Variants in DPP10 observed in about 807,000 individuals in gnomAD.
The protein encoded by DPP10 is inactive dipeptidyl peptidase 10.
Under a neutral mutation model 120.9 loss-of-function variants are expected in DPP10, and 33 were observed. The observed-to-expected ratio is 0.27, with a 90% CI of 0.21 to 0.37. The LOEUF (loss-of-function observed/expected upper bound fraction) is 0.37, where lower values mean the gene tolerates loss of function less well. Ranked by LOEUF, DPP10 falls within the 10% of genes least tolerant of loss-of-function variation. The probability of loss-of-function intolerance (pLI) is 1.00; values close to 1 mark genes in which losing one functional copy is unlikely to be tolerated. For missense variants in DPP10, 816 were observed against 942.8 expected (o/e 0.87, Z 1.76); for synonymous variants, 337 against 326.1 (o/e 1.03, Z -0.36).
chr2:115,520,911 C>T lies in DPP10; in HGVS notation c.367-4987C>T, dbSNP rs1364189745. ...TGGGGCCTCTTAATAGGGACATTACCGTGGCAATAAAAGATGTAAATTGCA... is the reference window on the plus strand; with the variant it reads ...TGGGGCCTCTTAATAGGGACATTACTGTGGCAATAAAAGATGTAAATTGCA... On this transcript the variant is annotated intron_variant, in intron 4 of 25. Transcript: ENST00000410059. Among the ~76,000 whole-genome samples, 11 of 151,946 alleles carry T rather than the reference C, an allele frequency of 7.2e-5. No individual in the cohort carries two copies. In the South Asian group the frequency reaches 1.2e-3, roughly 17 times the overall value.
chr2:114,974,044 T>G (rs1699581891), intron 1 of DPP10, among the ~76,000 whole-genome samples: 1 of 152,204 alleles, frequency 6.6e-6, no homozygotes, highest in Admixed American at 6.5e-5. Flanking sequence ...TTAAAAAATT[T>G]AGTTTATAAA....
intron 1 of DPP10, among the ~76,000 whole-genome samples, chr2:115,017,096 T>A (rs1208027367): frequency 1.3e-5 from 2 of 149,538 alleles, no homozygotes; most frequent in East Asian, 4.1e-4. Flanking sequence ...TTAGGAGATA[T>A]ACCTAATGCT....
At chr2:114,779,832 A>T (rs1682126216) in intron 1 of DPP10, among the ~76,000 whole-genome samples, 1 of 152,180 alleles carries the variant, frequency 6.6e-6, no homozygotes, top group African/African-American at 2.4e-5. Flanking sequence ...TCTCATGAGG[A>T]TAACATAAGA....
At chr2:114,872,881 A>G (rs1306283852) in intron 1 of DPP10, among the ~76,000 whole-genome samples, 3 of 152,168 alleles carry the variant, frequency 2.0e-5, no homozygotes, top group African/African-American at 7.2e-5. Flanking sequence ...TCCTACATAA[A>G]TTACACGTTC....
At chr2:115,817,054 T>C (rs953791177) in intron 21 of DPP10, among the ~76,000 whole-genome samples, 22 of 151,342 alleles carry the variant, frequency 1.5e-4, no homozygotes, top group Non-Finnish European at 2.7e-4. Flanking sequence ...AGAGGCCATC[T>C]TGGCTAACAC....
intron 3 of DPP10, among the ~76,000 whole-genome samples, chr2:115,474,896 A>G (rs2074975193): frequency 1.3e-5 from 2 of 152,222 alleles, no homozygotes; most frequent in Non-Finnish European, 2.9e-5. Context: ...TCAGAGGCCT[A>G]GGAGGACTGA....
chr2:115,074,303 C>T (rs968297273), intron 1 of DPP10, among the ~76,000 whole-genome samples: 1 of 152,128 alleles, frequency 6.6e-6, no homozygotes, highest in Non-Finnish European at 1.5e-5. Flanking sequence ...CTACCAAAAA[C>T]GGCAGGGAAA....
intron 1 of DPP10, among the ~76,000 whole-genome samples, chr2:114,472,529 C>T (rs898125641): frequency 2.0e-5 from 3 of 152,070 alleles, no homozygotes; most frequent in Non-Finnish European, 2.9e-5. Context: ...GGGGTTAGTG[C>T]GAGAAAGACT....
At chr2:114,773,038 A>C (rs529401480) in intron 1 of DPP10, among the ~76,000 whole-genome samples, 1 of 152,218 alleles carries the variant, frequency 6.6e-6, no homozygotes, top group Non-Finnish European at 1.5e-5. Context: ...TCTTATCTAT[A>C]AAATGAAAAT....
chr2:114,587,533 G>T (rs570500696), intron 1 of DPP10, among the ~76,000 whole-genome samples: 1 of 151,918 alleles, frequency 6.6e-6, no homozygotes, highest in Non-Finnish European at 1.5e-5. Flanking sequence ...TGCAGACAAA[G>T]CAACTGAGAT....
chr2:114,882,469 G>A (rs1466939428), intron 1 of DPP10, among the ~76,000 whole-genome samples: 3 of 151,690 alleles, frequency 2.0e-5, no homozygotes, highest in African/African-American at 7.3e-5. Context: ...GGATGTAAAG[G>A]CATAAGAATA....
intron 1 of DPP10, among the ~76,000 whole-genome samples, chr2:114,807,552 T>C (rs1453757885): frequency 1.3e-5 from 2 of 152,232 alleles, no homozygotes; most frequent in African/African-American, 4.8e-5. Context: ...TTGGTTTATA[T>C]GTACTCACAA....
chr2:115,397,003 A>C (rs1170814439), intron 3 of DPP10, among the ~76,000 whole-genome samples: 1 of 152,236 alleles, frequency 6.6e-6, no homozygotes, highest in Non-Finnish European at 1.5e-5. Context: ...CTATTGATTT[A>C]TAATGGGTTA....
chr2:115,839,149 A>G (rs1319245876), intron 24 of DPP10, among the ~76,000 whole-genome samples: 1 of 152,166 alleles, frequency 6.6e-6, no homozygotes, highest in Non-Finnish European at 1.5e-5. Context: ...AGAAGCTTAC[A>G]TTTATAGAGC....
chr2:115,014,790 GGAA>G (rs1702512410), intron 1 of DPP10, among the ~76,000 whole-genome samples: 2 of 149,938 alleles, frequency 1.3e-5, no homozygotes, highest in African/African-American at 4.9e-5. Context: ...GATGAAAACA[GGAA>G]GAAGTCGAAT....
At chr2:115,388,507 G>T (rs2067109356) in intron 3 of DPP10, among the ~76,000 whole-genome samples, 1 of 152,170 alleles carries the variant, frequency 6.6e-6, no homozygotes, top group Non-Finnish European at 1.5e-5. Context: ...TGTAGCAGTG[G>T]AGATAGAAGA....
chr2:115,829,637 A>G (rs1012588991), intron 21 of DPP10, among the ~76,000 whole-genome samples: 2 of 152,056 alleles, frequency 1.3e-5, no homozygotes, highest in African/African-American at 2.4e-5. Flanking sequence ...GTCAGACAAT[A>G]TGCACAGTAC....
At chr2:115,453,867 C>G (rs2073317483) in intron 3 of DPP10, among the ~76,000 whole-genome samples, 1 of 151,182 alleles carries the variant, frequency 6.6e-6, no homozygotes, top group Admixed American at 6.6e-5. Flanking sequence ...TTACTACAAA[C>G]ATGAGGGAAA....
At chr2:115,772,797 G>GTATA (rs1559136508) in intron 13 of DPP10, among the ~76,000 whole-genome samples, 2 of 152,116 alleles carry the variant, frequency 1.3e-5, no homozygotes, top group Non-Finnish European at 2.9e-5. Flanking sequence ...TTTATCAAAG[G>GTATA]TATAGCACCT....
Sources: allele counts gnomAD v4.1 joint callset (sites outside exome capture counted in the v4.1 genomes callset), GRCh38; gene constraint gnomAD v4.1.1; transcripts MANE v1.5; gene names NCBI Gene and HGNC (gene_info 2026-07-23, HGNC 2026-07-21).